RPS6KC1: variants seen among roughly 807,000 people sequenced by gnomAD.
RPS6KC1 encodes the protein inactive ribosomal protein S6 kinase delta-1.
Under a neutral mutation model 103.8 loss-of-function variants are expected in RPS6KC1, and 54 were observed. The observed-to-expected ratio is 0.52, with a 90% CI of 0.42 to 0.65. The LOEUF is 0.65. RPS6KC1 is among the 30% of genes least tolerant of loss of function. The pLI is 0.00. For synonymous variants in RPS6KC1, 439 were observed against 438.7 expected (o/e 1.00, Z -0.01); for missense variants, 1,151 against 1,253.8 (o/e 0.92, Z 1.24).
chr1:213,604,587 T>G, the RPS6KC1 span, among the ~76,000 whole-genome samples: 2 of 152,232 alleles, frequency 1.3e-5, no homozygotes, highest in Non-Finnish European at 2.9e-5. Context: ...CCTCAGTTCC[T>G]TCCAGGGACT....
chr1:213,525,588 A>T, the RPS6KC1 span, among the ~76,000 whole-genome samples: 4 of 152,348 alleles, frequency 2.6e-5, no homozygotes, highest in South Asian at 8.3e-4. Flanking sequence ...GGTAGCCTTC[A>T]GACTCTGCCA....
At chr1:213,196,263 G>A (rs897318759) in intron 8 of RPS6KC1, among the ~76,000 whole-genome samples, 14 of 151,728 alleles carry the variant, frequency 9.2e-5, no homozygotes, top group Admixed American at 7.9e-4. Flanking sequence ...TATGTTTGTT[G>A]GCTATTTGAA....
At chr1:213,145,553 C>A (rs2087654066) in intron 6 of RPS6KC1, among the ~76,000 whole-genome samples, 2 of 152,124 alleles carry the variant, frequency 1.3e-5, no homozygotes, top group Admixed American at 6.6e-5. Context: ...TTACGAGACA[C>A]AATTCTGGTT....
the RPS6KC1 span, among the ~76,000 whole-genome samples, chr1:213,382,826 C>T: frequency 6.6e-6 from 1 of 152,202 alleles, no homozygotes; most frequent in Non-Finnish European, 1.5e-5. Context: ...TTCGGTATCC[C>T]TAAGTGCTTG....
chr1:213,833,203 C>T, the RPS6KC1 span, among the ~76,000 whole-genome samples: 2 of 152,160 alleles, frequency 1.3e-5, no homozygotes, highest in Non-Finnish European at 2.9e-5. Context: ...ACTTTCTTCC[C>T]TTTGTGATGG....
the RPS6KC1 span, among the ~76,000 whole-genome samples, chr1:213,671,179 A>G: frequency 6.6e-6 from 1 of 152,218 alleles, no homozygotes; most frequent in African/African-American, 2.4e-5. Flanking sequence ...TACACAATGG[A>G]ATAGTATTCA....
At chr1:213,234,421 A>G (rs965464098) in intron 10 of RPS6KC1, among the ~76,000 whole-genome samples, 9 of 152,238 alleles carry the variant, frequency 5.9e-5, no homozygotes, top group Admixed American at 4.6e-4. Flanking sequence ...TCTAATAGAT[A>G]ACAACTGGGG....
the RPS6KC1 span, among the ~76,000 whole-genome samples, chr1:213,505,010 A>G: frequency 6.6e-6 from 1 of 152,198 alleles, no homozygotes; most frequent in East Asian, 1.9e-4. Flanking sequence ...ACCCCCATCT[A>G]TGGGACCCAA....
At chr1:213,459,205 G>A in the RPS6KC1 span, among the ~76,000 whole-genome samples, 12 of 152,074 alleles carry the variant, frequency 7.9e-5, no homozygotes, top group Non-Finnish European at 1.8e-4. Context: ...TGTACGTCTG[G>A]TAGAATTCAG....
At chr1:213,687,109 G>A in the RPS6KC1 span, among the ~76,000 whole-genome samples, 7 of 152,142 alleles carry the variant, frequency 4.6e-5, no homozygotes, top group Admixed American at 6.5e-5. Context: ...CTTCTTTACC[G>A]CATCCTGTTT....
chr1:213,824,454 G>A, the RPS6KC1 span, among the ~76,000 whole-genome samples: 1 of 152,106 alleles, frequency 6.6e-6, no homozygotes, highest in African/African-American at 2.4e-5. Flanking sequence ...TAAAGCAAAA[G>A]GCTCTCTGAA....
At chr1:213,740,965 CAT>C in the RPS6KC1 span, among the ~76,000 whole-genome samples, 542 of 144,494 alleles carry the variant, frequency 3.8e-3, 13 homozygotes, top group Middle Eastern at 0.025. Context: ...TATATGTACA[CAT>C]ATATATATCA....
At chr1:213,551,027 G>A in the RPS6KC1 span, among the ~76,000 whole-genome samples, 2 of 152,276 alleles carry the variant, frequency 1.3e-5, no homozygotes, top group Non-Finnish European at 2.9e-5. Flanking sequence ...GTCAGGTTGG[G>A]CCAGGTTGGG....
At chr1:213,548,323 C>T in the RPS6KC1 span, among the ~76,000 whole-genome samples, 1 of 151,908 alleles carries the variant, frequency 6.6e-6, no homozygotes, top group Non-Finnish European at 1.5e-5. Flanking sequence ...ATAGGCAAAC[C>T]CACACAATAT....
At chr1:213,515,554 AT>A in the RPS6KC1 span, among the ~76,000 whole-genome samples, 1 of 152,008 alleles carries the variant, frequency 6.6e-6, no homozygotes, top group African/African-American at 2.4e-5. Flanking sequence ...ATGTGGCATT[AT>A]TTCTGAGGGC....
At chr1:213,615,324 A>G in the RPS6KC1 span, among the ~76,000 whole-genome samples, 2 of 152,204 alleles carry the variant, frequency 1.3e-5, no homozygotes, top group African/African-American at 4.8e-5. Flanking sequence ...CAGCACATGG[A>G]AGGAACAGTA....
chr1:213,126,517 A>G (rs2085008076), intron 5 of RPS6KC1, among the ~76,000 whole-genome samples: 1 of 152,180 alleles, frequency 6.6e-6, no homozygotes, highest in Non-Finnish European at 1.5e-5. Flanking sequence ...CTTAGTGGCC[A>G]GTAACATGTT....
At chr1:213,121,607 G>A (rs2084394678) in intron 5 of RPS6KC1, among the ~76,000 whole-genome samples, 1 of 152,146 alleles carries the variant, frequency 6.6e-6, no homozygotes, top group Non-Finnish European at 1.5e-5. Flanking sequence ...GTGCATATCA[G>A]TTGAGCTCCT....
At chr1:213,243,995 G>C (rs1219098540) in intron 12 of RPS6KC1, among the ~76,000 whole-genome samples, 1 of 152,084 alleles carries the variant, frequency 6.6e-6, no homozygotes, top group Non-Finnish European at 1.5e-5. Context: ...AAACGTTCCT[G>C]AAAGCAACTA....
Sources: allele counts gnomAD v4.1 joint callset (sites outside exome capture counted in the v4.1 genomes callset), GRCh38; gene constraint gnomAD v4.1.1; transcripts MANE v1.5; gene names NCBI Gene and HGNC (gene_info 2026-07-23, HGNC 2026-07-21).